ECE2: variants seen among roughly 807,000 people sequenced by gnomAD.
ECE2 encodes endothelin-converting enzyme 2.
ECE2 carries 81 observed loss-of-function variants against 100.6 expected under a neutral mutation model. The ratio of observed to expected loss-of-function variants is 0.81; its 90% CI spans 0.67 to 0.97. The LOEUF is 0.97. Ranked by LOEUF, ECE2 falls within the 50% of genes least tolerant of loss-of-function variation. The pLI, the probability that ECE2 is intolerant of heterozygous loss-of-function variation, is 0.00. For missense variants in ECE2, 911 were observed against 988.1 expected (o/e 0.92, Z 1.05); for synonymous variants, 391 against 391.5 (o/e 1.00, Z 0.02).
In ECE2 at chr3:184,278,002, C is replaced by T. The variant is rs761132505; in HGVS notation, c.556C>T (p.Arg186Cys). 9.9e-6 allele frequency: 16 copies of T among 1,613,846 alleles called. No individual in the cohort carries two copies. Among genetic ancestry groups the T allele is most frequent in the African/African-American group, 1.3e-5 (1 of 74,914 alleles). Reference sequence around the variant, plus strand: ...CTACCTATCTTGCCTACAGGTGGAGCGCATTGAGGAGCTGGGAGCCCAGCC... The same window carrying T: ...CTACCTATCTTGCCTACAGGTGGAGTGCATTGAGGAGCTGGGAGCCCAGCC... ...RFYLSCLQVE[R>C]IEELGAQPLR... The change falls in exon 5 of 19, where the codon CGC becomes TGC. Residue 186 changes from arginine to cysteine, a missense_variant. Coordinates refer to ENST00000404464, the MANE Select transcript of ECE2 (RefSeq NM_001100121.2).
At chr3:184,287,534 T>A (rs74711776) in intron 10 of ECE2, among the ~76,000 whole-genome samples, 23,267 of 151,868 alleles carry the variant, frequency 0.15, 2,439 homozygotes, top group African/African-American at 0.29. Context: ...TGTACTAAAA[T>A]TACAAAAGAA....
chr3:184,284,949 T>C lies in ECE2; in HGVS notation c.1006-14T>C, dbSNP rs1455591879. ...CGAGTCGGGCAGGCAAGGCCTGAGA[T>C]TTTTTTCTTTCAGGCTCTGGCGCCC... On this transcript the variant is annotated splice_polypyrimidine_tract_variant and intron_variant, in intron 8 of 18. Coordinates refer to ENST00000404464, the MANE Select transcript of ECE2 (RefSeq NM_001100121.2). The C allele has an allele frequency of 1.9e-6, 3 of 1,611,990 alleles. No homozygotes were observed. Among genetic ancestry groups the C allele is most frequent in the Non-Finnish European group, 2.5e-6 (3 of 1,179,270 alleles).
At chr3:184,286,216 T>C (rs1321033129) in intron 10 of ECE2, among the ~76,000 whole-genome samples, 1 of 151,942 alleles carries the variant, frequency 6.6e-6, no homozygotes, top group African/African-American at 2.4e-5. Context: ...TGCAAATTCC[T>C]AGAGGCCAAA....
rs1212163814 is a variant in ECE2, at chr3:184,290,324, G to A, written c.1621G>A (p.Ala541Thr). Residue 541 changes from alanine to threonine, a missense_variant, in exon 14 of 19, where the codon GCT (alanine) becomes ACT (threonine). Physicochemically the swap from Ala to Thr is moderately conservative, Grantham distance 58 (BLOSUM62 0). Coordinates refer to ENST00000404464, the MANE Select transcript of ECE2 (RefSeq NM_001100121.2). ...GTACAACTTCTCTGCCAAGGTTATGGCTGACCAGCTCCGCAAGCCTCCCAG... is the reference window on the plus strand; with the variant it reads ...GTACAACTTCTCTGCCAAGGTTATGACTGACCAGCTCCGCAAGCCTCCCAG... The part of the protein sequence containing the change: ...NLYNFSAKVM[A>T]DQLRKPPSRD... The A allele has an allele frequency of 1.2e-6, 2 of 1,614,040 alleles. No individual in the cohort carries two copies. The highest frequency in any genetic ancestry group is 1.7e-5 in the Admixed American group (1 of 60,018).
Position 184,289,985 on chromosome 3 carries a change from T to C in ECE2, c.1551+267T>C, listed in dbSNP as rs75359620. 0.03 allele frequency among the ~76,000 whole-genome samples: 4,562 copies of C among 152,246 alleles called. 207 individuals carry two copies. Among genetic ancestry groups the C allele is most frequent in the African/African-American group, 0.1 (4,251 of 41,518 alleles). The stretch of plus-strand genomic sequence containing the variant: ...CTCTAACTTTGTAACCTTAACAAAA[T>C]CTCTCTAGGCCTTGGTTTCATTTTC... On this transcript the variant is annotated intron_variant, in intron 13 of 18. Coordinates refer to ENST00000404464, the MANE Select transcript of ECE2 (RefSeq NM_001100121.2). The surrounding 1 kb of genome is among the most constrained non-coding windows in gnomAD (Gnocchi z 4.1).
chr3:184,285,423 G>A, intron 9 of ECE2, 55 bp from the exon 10 acceptor site: 4 of 1,327,882 alleles, frequency 3.0e-6, no homozygotes, highest in Middle Eastern at 4.5e-4. Context: ...GCTGGTTTGA[G>A]GGGTGTGAAG....
chr3:184,285,677 A>T, intron 10 of ECE2, 85 bp downstream of exon 10: 1 of 1,027,430 alleles, frequency 9.7e-7, no homozygotes, highest in Non-Finnish European at 1.5e-6. Flanking sequence ...CATGTGCCTC[A>T]TGGTGCACAG....
Position 184,291,626 on chromosome 3 carries a change from T to G in ECE2, c.2121+187T>G, listed in dbSNP as rs956087597. On this transcript the variant is annotated intron_variant, in intron 18 of 18. Coordinates refer to ENST00000404464, the MANE Select transcript of ECE2 (RefSeq NM_001100121.2). This position sits in a 1 kb window ranked among gnomAD's most constrained non-coding sequence, Gnocchi z 4.1. ...CCAGCCAGGGCCCACAAAGGCAGCC[T>G]GAAGAGGCCTGAGCGGGAGAATGCC... 1.9e-5 allele frequency: 11 copies of G among 571,172 alleles called. No individual in the cohort carries two copies. Among genetic ancestry groups the G allele is most frequent in the Non-Finnish European group, 3.3e-5 (11 of 329,582 alleles). The allele number at this position is 571,172 out of a possible 1,614,324, so 35.4% of individuals were successfully genotyped here. A position where few individuals can be genotyped will look rare whatever the true frequency, so the allele number is the denominator to read the frequency against.
Position 184,292,115 on chromosome 3 carries a change from C to G in ECE2, c.2175C>G (p.Asp725Glu). 3 of 1,614,000 alleles carry G rather than the reference C, an allele frequency of 1.9e-6. No individual in the cohort carries two copies. Among genetic ancestry groups the G allele is most frequent in the Non-Finnish European group, 2.5e-6 (3 of 1,179,992 alleles). Residue 725 changes from aspartate (D) to glutamate (E), a missense_variant, in exon 19 of 19, where the codon GAC becomes GAG. Asp to Glu is a conservative substitution (Grantham distance 45). Transcript: ENST00000404464. ...PESSHEGLVT[D>E]PHSPARFRVL... Reference sequence around the variant, plus strand: ...GCTCTCACGAGGGGCTGGTGACCGACCCCCACAGCCCTGCCCGCTTCCGCG... The same window carrying G: ...GCTCTCACGAGGGGCTGGTGACCGAGCCCCACAGCCCTGCCCGCTTCCGCG...
chr3:184,278,305 G>A lies in ECE2; in HGVS notation c.742G>A (p.Val248Ile). The part of the protein sequence containing the change: ...SADSKSSNSN[V>I]IQVDQSGLFL... Reference sequence around the variant, plus strand: ...CGACTCTAAGAGTTCCAACAGCAATGTTATCCAGGTGATGAGCTGGGAAAG... The same window carrying A: ...CGACTCTAAGAGTTCCAACAGCAATATTATCCAGGTGATGAGCTGGGAAAG... The change falls in exon 6 of 19, where the codon GTT becomes ATT. Residue 248 changes from valine (V) to isoleucine (I), a missense_variant. Coordinates refer to ENST00000404464, the MANE Select transcript of ECE2 (RefSeq NM_001100121.2). The A allele has an allele frequency of 6.2e-7, 1 of 1,613,976 alleles. No individual in the cohort carries two copies. The highest frequency in any genetic ancestry group is 8.5e-7 in the Non-Finnish European group (1 of 1,179,928).
Position 184,277,465 on chromosome 3 carries a change from T to C in ECE2, c.477T>C (p.Leu159=), listed in dbSNP as rs747000514. 2.5e-6 allele frequency: 4 copies of C among 1,613,938 alleles called. No homozygotes were observed. The Admixed American group carries it at 6.7e-5, about 27-fold the overall frequency. Residue 159 remains leucine, a splice_region_variant and synonymous_variant, in exon 4 of 19, where the codon CTT becomes CTC. Transcript: ENST00000404464. ...DQNQAILKHL[L]ENTTFNSSSE... ...ACCAGGCCATACTGAAGCACCTGCT[T>C]GGTGAGTGGGGCTGTTAGGGAGGCC... is the stretch of plus-strand genomic sequence containing the variant.
At chr3:184,278,775 A>T in intron 7 of ECE2, 1 of 588,970 alleles carries the variant, frequency 1.7e-6, no homozygotes, top group South Asian at 2.1e-5. Context: ...AGTAGGTTTC[A>T]TAGACACCTA....
intron 10 of ECE2, 44 bp downstream of exon 10, chr3:184,285,636 C>T (rs374104706): frequency 2.6e-5 from 36 of 1,369,142 alleles, no homozygotes; most frequent in South Asian, 4.7e-5. Flanking sequence ...CCAGTCTAAC[C>T]GATGCTGCAT....
chr3:184,291,781 C>T lies in ECE2; in HGVS notation c.2122-281C>T, dbSNP rs1461924159. The T allele has an allele frequency of 1.5e-5, 8 of 517,386 alleles. No homozygotes were observed. Among genetic ancestry groups the T allele is most frequent in the South Asian group, 3.4e-5 (1 of 29,596 alleles). The allele number at this position is 517,386 out of a possible 1,614,324, so 32.0% of individuals were successfully genotyped here. ...ACATGCAGGAAACGAAAGCTCGGGA[C>T]GCAGAGTGGCCTGTCCAGGGCTGCC... On this transcript the variant is annotated intron_variant, in intron 18 of 18. Transcript: ENST00000404464. This position sits in a 1 kb window ranked among gnomAD's most constrained non-coding sequence, Gnocchi z 4.1.
rs765119950 is a variant in ECE2 at position 184,278,500 on chromosome 3, G to T, written c.759G>T (p.Gln253His). 1 of 1,614,068 alleles carries T rather than the reference G, an allele frequency of 6.2e-7. No individual in the cohort carries two copies. The highest frequency in any genetic ancestry group is 2.2e-5 in the East Asian group (1 of 44,864). The change falls in exon 7 of 19, where the codon CAG (glutamine) becomes CAT (histidine). Residue 253 changes from glutamine to histidine, a missense_variant. Gln to His is a conservative substitution (Grantham distance 24, BLOSUM62 0). Coordinates refer to ENST00000404464, the MANE Select transcript of ECE2 (RefSeq NM_001100121.2). Reference protein sequence around the residue: ...SSNSNVIQVDQSGLFLPSRDY... With the variant: ...SSNSNVIQVDHSGLFLPSRDY... ...TTTCCTTGACATTGCAGGTGGACCAGTCTGGGCTCTTTCTGCCCTCTCGGG... is the reference window on the plus strand; with the variant it reads ...TTTCCTTGACATTGCAGGTGGACCATTCTGGGCTCTTTCTGCCCTCTCGGG...
chr3:184,276,358 T>G (rs1577132017), intron 1 of ECE2, 123 bp from the exon 2 acceptor site: 1 of 1,394,848 alleles, frequency 7.2e-7, no homozygotes, highest in Non-Finnish European at 9.8e-7. Flanking sequence ...GCAGGGCAGG[T>G]GGGAAGGGAA....
In ECE2 at chr3:184,277,240, C is replaced by G; in HGVS notation, c.263-11C>G. The G allele has an allele frequency of 6.2e-7, 1 of 1,614,178 alleles. No homozygotes were observed. Among genetic ancestry groups the G allele is most frequent in the Non-Finnish European group, 8.5e-7 (1 of 1,179,990 alleles). ...CAGTCTCCTACCCTCCGGCCATGTTCCCTACCACAGACCCATCCCACAGCA... is the reference window on the plus strand; with the variant it reads ...CAGTCTCCTACCCTCCGGCCATGTTGCCTACCACAGACCCATCCCACAGCA... On this transcript the variant is annotated splice_polypyrimidine_tract_variant and intron_variant, in intron 3 of 18. Transcript: ENST00000404464.
intron 7 of ECE2, 126 bp downstream of exon 7, chr3:184,278,683 C>G: frequency 1.1e-6 from 1 of 872,058 alleles, no homozygotes; most frequent in South Asian, 1.7e-5. Flanking sequence ...AGTGAACAAA[C>G]TGCCCCTCCT....
chr3:184,286,753 C>T (rs1431898227), intron 10 of ECE2, among the ~76,000 whole-genome samples: 7 of 142,946 alleles, frequency 4.9e-5, no homozygotes, highest in Admixed American at 4.4e-4. Context: ...CCTGAGACTG[C>T]GTCATTGCAC....
Sources: allele counts gnomAD v4.1 joint callset (sites outside exome capture counted in the v4.1 genomes callset), GRCh38; gene constraint gnomAD v4.1.1; non-coding constraint Gnocchi (gnomAD v3.1); transcripts MANE v1.5; gene names NCBI Gene and HGNC (gene_info 2026-07-23, HGNC 2026-07-21).